The following ZNF45 variants were observed in gnomAD, a reference collection of about 807,000 sequenced individuals.
The protein encoded by ZNF45 is zinc finger protein 45, also known as BRC1744.
In ZNF45, 4 loss-of-function variants were observed where a neutral mutation model predicts 12.0. That is an observed-to-expected ratio of 0.33 (90% CI 0.16 to 0.76). The LOEUF is 0.76. ZNF45 is among the 30% of genes least tolerant of loss of function. The probability of loss-of-function intolerance (pLI) is 0.60; values close to 1 mark genes in which losing one functional copy is unlikely to be tolerated. For synonymous variants in ZNF45, 272 were observed against 279.6 expected, an observed-to-expected ratio of 0.97 and a Z score of 0.27; for missense variants, 700 against 813.0, an observed-to-expected ratio of 0.86 and a Z score of 1.69.
chr19:43,914,541 T>C lies in ZNF45; in HGVS notation c.895A>G (p.Thr299Ala), dbSNP rs388706. 0.5 allele frequency: 812,991 copies of C among 1,613,016 alleles called. 210,156 individuals are homozygous for C. Among genetic ancestry groups the C allele is most frequent in the East Asian group, 0.83 (37,256 of 44,836 alleles). Residue 299 changes from threonine (T) to alanine (A), a missense_variant, in exon 10 of 10, where the codon ACT (threonine) becomes GCT (alanine). Thr to Ala is a moderately conservative substitution (Grantham distance 58). Transcript: ENST00000269973. ...SYLQVHLKVH[T>A]GKKPYKCEEC... ...TCACACTTATATGGTTTCTTTCCAG[T>C]GTGAACTTTCAGATGAACTTGAAGA... is the stretch of plus-strand genomic sequence containing the variant.
intron 3 of ZNF45, among the ~76,000 whole-genome samples, chr19:43,930,365 C>T (rs1030809549): frequency 1.3e-5 from 2 of 152,180 alleles, no homozygotes; most frequent in African/African-American, 2.4e-5. Context: ...GGAATCCCTC[C>T]TTCACCAATG....
chr19:43,913,296 G>A lies in ZNF45; in HGVS notation c.*91C>T. 2 of 1,451,348 alleles carry A rather than the reference G, an allele frequency of 1.4e-6. No individual in the cohort carries two copies. The highest frequency in any genetic ancestry group is 1.4e-5 in the South Asian group (1 of 69,652). The allele number at this position is 1,451,348 out of a possible 1,614,324, so 89.9% of individuals were successfully genotyped here. On this transcript the variant is annotated 3_prime_UTR_variant, in exon 10 of 10. Coordinates refer to ENST00000269973, the MANE Select transcript of ZNF45 (RefSeq NM_003425.4). ...TGTGTGGTCTCCCAATCACTTGGCT[G>A]AACTACTGACTCTATAAAACAAATG...
At chr19:43,918,647 G>A (rs1314670138) in intron 9 of ZNF45, among the ~76,000 whole-genome samples, 1 of 152,124 alleles carries the variant, frequency 6.6e-6, no homozygotes, top group East Asian at 1.9e-4. Context: ...AATTCCCCCA[G>A]TCGGTAGTAT....
At chr19:43,917,362 T>C (rs971157085) in intron 9 of ZNF45, among the ~76,000 whole-genome samples, 2 of 152,182 alleles carry the variant, frequency 1.3e-5, no homozygotes, top group East Asian at 3.8e-4. Flanking sequence ...ATCAAACAAA[T>C]TGTTCAAATA....
intron 9 of ZNF45, among the ~76,000 whole-genome samples, chr19:43,918,232 A>G (rs1972849557): frequency 6.6e-6 from 1 of 152,202 alleles, no homozygotes; most frequent in Non-Finnish European, 1.5e-5. Context: ...TTTATTCTAA[A>G]AAGTAGTTCT....
In ZNF45 at chr19:43,914,188, A is replaced by T; in HGVS notation, c.1248T>A (p.Tyr416Ter). 6.2e-7 allele frequency: 1 copy of T among 1,607,998 alleles called. No individual in the cohort carries two copies. The highest frequency in any genetic ancestry group is 2.2e-5 in the East Asian group (1 of 44,510). ...AGCCCTTACCACATGCATCACACTGATACGGTTTCTCTCCAGTATGGCCTC... is the reference window on the plus strand; with the variant it reads ...AGCCCTTACCACATGCATCACACTGTTACGGTTTCTCTCCAGTATGGCCTC... ...HQRGHTGEKP[Y>*]QCDACGKGFS... The change falls in exon 10 of 10, where the codon TAT becomes TAA. Residue 416 changes from tyrosine (Y) to a stop codon, truncating the protein, a stop_gained. Coordinates refer to ENST00000269973, the MANE Select transcript of ZNF45 (RefSeq NM_003425.4). LOFTEE classifies it low-confidence loss of function (END_TRUNC).
At chr19:43,919,724 T>C (rs1159853248) in intron 7 of ZNF45, 25 bp from the exon 8 acceptor site, 8 of 1,606,262 alleles carry the variant, frequency 5.0e-6, no homozygotes, top group Non-Finnish European at 6.8e-6. Flanking sequence ...ACACTCCACC[T>C]AAATCTTGCA....
intron 3 of ZNF45, among the ~76,000 whole-genome samples, chr19:43,930,492 C>G (rs1035038496): frequency 1.3e-5 from 2 of 152,004 alleles, no homozygotes; most frequent in Non-Finnish European, 2.9e-5. Context: ...GTTCAAGAAC[C>G]ACTGCATTAT....
rs765132005 is a variant in ZNF45 at position 43,915,009 on chromosome 19, C to T, written c.427G>A (p.Glu143Lys). Residue 143 changes from glutamate to lysine, a missense_variant, in exon 10 of 10, where the codon GAG becomes AAG. Glu to Lys is a moderately conservative substitution (Grantham distance 56). Transcript: ENST00000269973. ...TGGGAACTCTGATTACTGAATCCCT[C>T]ATCTTTATAGTGCAAATCATCTCGT... ...EKRDDLHYKD[E>K]GFSNQSSHLQ... is the part of the protein sequence containing the mutation. 1 of 1,609,022 alleles carries T rather than the reference C, an allele frequency of 6.2e-7. No homozygotes were observed.
At chr19:43,915,247 T>C in intron 9 of ZNF45, 47 bp from the exon 10 acceptor site, 2 of 1,447,550 alleles carry the variant, frequency 1.4e-6, no homozygotes, top group Non-Finnish European at 1.8e-6. Flanking sequence ...GAATAATGTT[T>C]TGTTCCAAGA....
rs989526001 is a variant in ZNF45, at chr19:43,925,442, AG to A, written c.-384del. Reference sequence around the variant, plus strand: ...GAAAAATGGAGTTCTTGTAGCTCTCAGGGTATGATTCTGATTCTATGGAGGG... The same window carrying A: ...GAAAAATGGAGTTCTTGTAGCTCTCAGGTATGATTCTGATTCTATGGAGGG... On this transcript the variant is annotated 5_prime_UTR_variant, in exon 4 of 10. The change abolishes the stop of an existing upstream ORF in the 5' untranslated region. Coordinates refer to ENST00000269973, the MANE Select transcript of ZNF45 (RefSeq NM_003425.4). The A allele has an allele frequency of 5.3e-5, 8 of 152,168 alleles. No individual in the cohort carries two copies. The highest frequency in any genetic ancestry group is 1.2e-4 in the Non-Finnish European group (8 of 68,020). 9.4% of individuals were successfully genotyped at this position (152,168 alleles called of 1,614,324 possible). A position where few individuals can be genotyped will look rare whatever the true frequency, so the allele number is the denominator to read the frequency against.
chr19:43,925,209 G>A (rs1973575142), intron 4 of ZNF45, 116 bp downstream of exon 4: 1 of 152,210 alleles, frequency 6.6e-6, no homozygotes, highest in Admixed American at 6.5e-5. Context: ...ATTTGCCAGT[G>A]ACTTGATCAT....
chr19:43,919,499 C>T, intron 8 of ZNF45, 74 bp downstream of exon 8: 17 of 1,525,650 alleles, frequency 1.1e-5, no homozygotes, highest in Non-Finnish European at 1.5e-5. Flanking sequence ...TCAAGAGCTC[C>T]AAAGCCCTGT....
In ZNF45 at chr19:43,913,415, G is replaced by A. The variant is rs1972358990; in HGVS notation, c.2021C>T (p.Ser674Leu). The A allele has an allele frequency of 6.4e-7, 1 of 1,557,938 alleles. No individual in the cohort carries two copies. The highest frequency in any genetic ancestry group is 1.4e-5 in the African/African-American group (1 of 72,874). ...DDEGDKDFPSSEDSHRKTR is the reference protein window; with the variant it reads ...DDEGDKDFPSLEDSHRKTR ...TCGAGTTTTCCTGTGTGAATCCTCT[G>A]ATGAAGGAAAGTCCTTGTCACCCTC... The change falls in exon 10 of 10, where the codon TCA (serine) becomes TTA (leucine). Residue 674 changes from serine to leucine, a missense_variant. Physicochemically the swap from Ser to Leu is moderately radical, Grantham distance 145 (BLOSUM62 -2). Transcript: ENST00000269973.
At chr19:43,930,617 G>C (rs1974057891) in intron 3 of ZNF45, among the ~76,000 whole-genome samples, 1 of 152,148 alleles carries the variant, frequency 6.6e-6, no homozygotes, top group African/African-American at 2.4e-5. Flanking sequence ...CTCCTCTCCA[G>C]TATAAGATGC....
At chr19:43,916,723 T>G (rs2146792640) in intron 9 of ZNF45, among the ~76,000 whole-genome samples, 2 of 152,264 alleles carry the variant, frequency 1.3e-5, no homozygotes, top group Middle Eastern at 3.4e-3. Flanking sequence ...TGAGCCAAAT[T>G]ACAAAAGTGA....
intron 9 of ZNF45, among the ~76,000 whole-genome samples, chr19:43,915,656 T>C (rs1038751420): frequency 6.6e-6 from 1 of 152,170 alleles, no homozygotes; most frequent in Non-Finnish European, 1.5e-5. Flanking sequence ...TAGATTCTTA[T>C]AGGAGTGCGA....
Position 43,913,796 on chromosome 19 carries a change from T to C in ZNF45, c.1640A>G (p.Gln547Arg). The change falls in exon 10 of 10, where the codon CAG (glutamine) becomes CGG (arginine). Residue 547 changes from glutamine to arginine, a missense_variant. Transcript: ENST00000269973. Reference sequence around the variant, plus strand: ...GGGTTTCTCTCCAGTGTGGCACCTCTGATGGGCTTGAAGCTGTGAACCTAC... The same window carrying C: ...GGGTTTCTCTCCAGTGTGGCACCTCCGATGGGCTTGAAGCTGTGAACCTAC... ...FSVGSQLQAH[Q>R]RCHTGEKPYQ... 1.2e-6 allele frequency: 2 copies of C among 1,613,686 alleles called. No individual in the cohort carries two copies. The highest frequency in any genetic ancestry group is 1.7e-6 in the Non-Finnish European group (2 of 1,179,860).
chr19:43,912,679 A>G lies in ZNF45; in HGVS notation c.*708T>C, dbSNP rs1972311432. On this transcript the variant is annotated 3_prime_UTR_variant, in exon 10 of 10. Transcript: ENST00000269973. ...CTTTTTGGTTTAATAGACATATTGTATACATTGATCTTGGTGATGATTACA... is the reference window on the plus strand; with the variant it reads ...CTTTTTGGTTTAATAGACATATTGTGTACATTGATCTTGGTGATGATTACA... 6.6e-6 allele frequency: 1 copy of G among 152,254 alleles called. No homozygotes were observed. The highest frequency in any genetic ancestry group is 2.4e-5 in the African/African-American group (1 of 41,462). The allele number at this position is 152,254 out of a possible 1,614,324, so 9.4% of individuals were successfully genotyped here.
Sources: gnomAD v4.1 joint callset for allele counts (sites outside exome capture counted in the v4.1 genomes callset) on GRCh38, gnomAD v4.1.1 for gene constraint, MANE v1.5 for transcripts, NCBI Gene and HGNC (gene_info 2026-07-23, HGNC 2026-07-21) for gene names.